Variants in NSMCE2 observed in about 807,000 individuals in gnomAD.
The protein encoded by NSMCE2 is NSE2 SUMO ligase component of SMC5/6 complex, also known as E3 SUMO-protein ligase NSE2.
In NSMCE2, 24 loss-of-function variants were observed where a neutral mutation model predicts 23.8. The ratio of observed to expected loss-of-function variants is 1.01; its 90% CI spans 0.73 to 1.42. The LOEUF is 1.42. Ranked by LOEUF, NSMCE2 falls within the 40% of genes most tolerant of loss-of-function variation. The probability of loss-of-function intolerance (pLI) is 0.00; values close to 1 mark genes in which losing one functional copy is unlikely to be tolerated. For synonymous variants in NSMCE2, 92 were observed against 94.1 expected (o/e 0.98, Z 0.13); for missense variants, 284 against 296.5 (o/e 0.96, Z 0.31).
At chr8:125,333,006 ACT>A (rs1444261903) in intron 5 of NSMCE2, among the ~76,000 whole-genome samples, 1 of 152,212 alleles carries the variant, frequency 6.6e-6, no homozygotes, top group Non-Finnish European at 1.5e-5. Context: ...TGAGTGGAAC[ACT>A]GAGCTGTGAA....
intron 5 of NSMCE2, among the ~76,000 whole-genome samples, chr8:125,326,622 A>G (rs1369449027): frequency 1.3e-5 from 2 of 148,322 alleles, no homozygotes; most frequent in African/African-American, 4.9e-5. Context: ...ATATATGTGC[A>G]TATTCTTTTA....
chr8:125,207,094 T>A (rs180853815), intron 5 of NSMCE2, among the ~76,000 whole-genome samples: 19 of 152,196 alleles, frequency 1.2e-4, no homozygotes, highest in African/African-American at 4.3e-4. Flanking sequence ...ATTCAAAAAT[T>A]CAAAAACTAA....
chr8:125,122,561 T>C (rs1371889854), intron 3 of NSMCE2, among the ~76,000 whole-genome samples: 1 of 152,182 alleles, frequency 6.6e-6, no homozygotes, highest in African/African-American at 2.4e-5. Context: ...CTCCCTAGAA[T>C]GCCCTTTCTC....
At chr8:125,211,808 A>G (rs1824357581) in intron 5 of NSMCE2, among the ~76,000 whole-genome samples, 1 of 152,152 alleles carries the variant, frequency 6.6e-6, no homozygotes, top group Non-Finnish European at 1.5e-5. Context: ...ATTCTGCTTC[A>G]TATTGTTTGC....
intron 5 of NSMCE2, among the ~76,000 whole-genome samples, chr8:125,309,248 C>CAAAAAAAAAAAAA (rs111355815): frequency 1.5e-5 from 1 of 65,524 alleles, no homozygotes; most frequent in Non-Finnish European, 3.7e-5. Context: ...AACTCTGTCT[C>CAAAAAAAAAAAAA]AAAAAAAAAA....
chr8:125,332,666 A>G (rs1829922714), intron 5 of NSMCE2, among the ~76,000 whole-genome samples: 1 of 152,250 alleles, frequency 6.6e-6, no homozygotes, highest in South Asian at 2.1e-4. Context: ...TCTTTTAAAC[A>G]GAATGCTTTG....
At position 125,332,113 on chromosome 8, in the gene NSMCE2, A is replaced by C. The variant is rs546160711; in HGVS notation, c.419-25106A>C. ...AGGGCACAAGCAAATCGACATCAAGAACAGGAGTTGTACTCTAAATTTTAT... is the reference window on the plus strand; with the variant it reads ...AGGGCACAAGCAAATCGACATCAAGCACAGGAGTTGTACTCTAAATTTTAT... On this transcript the variant is annotated intron_variant, in intron 5 of 7. Coordinates refer to ENST00000287437, the MANE Select transcript of NSMCE2 (RefSeq NM_173685.4). 2.0e-5 allele frequency among the ~76,000 whole-genome samples: 3 copies of C among 152,338 alleles called. No homozygotes were observed. The South Asian group carries it at 6.2e-4, about 32-fold the overall frequency.
intron 3 of NSMCE2, among the ~76,000 whole-genome samples, chr8:125,120,917 A>G (rs1412997163): frequency 6.6e-6 from 1 of 152,194 alleles, no homozygotes; most frequent in African/African-American, 2.4e-5. Flanking sequence ...AGGAAGCTTT[A>G]TTACTTTTGA....
chr8:125,232,595 A>C (rs1825371083), intron 5 of NSMCE2, among the ~76,000 whole-genome samples: 2 of 152,112 alleles, frequency 1.3e-5, no homozygotes, highest in Non-Finnish European at 1.5e-5. Flanking sequence ...GTAAGAAGGA[A>C]ATTATGATGG....
At chr8:125,208,729 G>A (rs1479784599) in intron 5 of NSMCE2, among the ~76,000 whole-genome samples, 1 of 152,166 alleles carries the variant, frequency 6.6e-6, no homozygotes, top group East Asian at 1.9e-4. Flanking sequence ...CAGAAAATGA[G>A]TCTTGAACAA....
At chr8:125,112,407 A>G (rs543967814) in intron 3 of NSMCE2, among the ~76,000 whole-genome samples, 1 of 152,346 alleles carries the variant, frequency 6.6e-6, no homozygotes, top group South Asian at 2.1e-4. Flanking sequence ...ATGTATCCAA[A>G]GGATGTATGT....
At chr8:125,292,943 A>T (rs1828170049) in intron 5 of NSMCE2, among the ~76,000 whole-genome samples, 1 of 152,190 alleles carries the variant, frequency 6.6e-6, no homozygotes, top group Non-Finnish European at 1.5e-5. Context: ...GACCCCCTGT[A>T]GTCTGGAGCA....
At chr8:125,143,451 A>G (rs1183120266) in intron 3 of NSMCE2, among the ~76,000 whole-genome samples, 1 of 152,230 alleles carries the variant, frequency 6.6e-6, no homozygotes, top group African/African-American at 2.4e-5. Context: ...CTCCTTGCCA[A>G]AATGGACATA....
chr8:125,329,678 T>C (rs1306022420), intron 5 of NSMCE2, among the ~76,000 whole-genome samples: 1 of 152,148 alleles, frequency 6.6e-6, no homozygotes. Context: ...GAGAGAGTGA[T>C]AAGTATGGCC....
chr8:125,294,125 C>T (rs760353456), intron 5 of NSMCE2, among the ~76,000 whole-genome samples: 22 of 152,170 alleles, frequency 1.4e-4, no homozygotes, highest in Non-Finnish European at 2.8e-4. Flanking sequence ...CATGTTGTAG[C>T]ATGTATCACT....
chr8:125,107,566 A>G (rs930580768), intron 3 of NSMCE2, among the ~76,000 whole-genome samples: 8 of 152,222 alleles, frequency 5.3e-5, no homozygotes, highest in African/African-American at 1.9e-4. Context: ...ACAATGATCT[A>G]TTAGAGTGCA....
At chr8:125,207,099 A>G (rs1824147119) in intron 5 of NSMCE2, among the ~76,000 whole-genome samples, 1 of 152,174 alleles carries the variant, frequency 6.6e-6, no homozygotes, top group Admixed American at 6.5e-5. Context: ...AAAATTCAAA[A>G]ACTAAGTTCC....
rs543660497 is a variant in NSMCE2, at chr8:125,148,662, C to CT, written c.158-2503dup. Among the ~76,000 whole-genome samples, 63 of 152,292 alleles carry CT rather than the reference C, an allele frequency of 4.1e-4. 1 individual carries two copies. Among genetic ancestry groups the CT allele is most frequent in the Middle Eastern group, 3.4e-3 (1 of 294 alleles). ...TTGTTCAGGTTACCAGCCTTACCCA[C>CT]TTTTTTGACCAGTTCCAGTATCAGA... On this transcript the variant is annotated intron_variant, in intron 3 of 7. Coordinates refer to ENST00000287437, the MANE Select transcript of NSMCE2 (RefSeq NM_173685.4).
intron 5 of NSMCE2, among the ~76,000 whole-genome samples, chr8:125,233,362 G>A (rs939680125): frequency 2.6e-5 from 4 of 151,976 alleles, no homozygotes; most frequent in South Asian, 2.1e-4. Context: ...ATAATTTTAT[G>A]TTCTGGTTCT....
Sources: gnomAD v4.1 joint callset for allele counts (sites outside exome capture counted in the v4.1 genomes callset) on GRCh38, gnomAD v4.1.1 for gene constraint, MANE v1.5 for transcripts, NCBI Gene and HGNC (gene_info 2026-07-23, HGNC 2026-07-21) for gene names.